The following CAPN14 variants were observed in gnomAD, a reference collection of about 807,000 sequenced individuals.
CAPN14 encodes calpain 14.
Under a neutral mutation model 101.3 loss-of-function variants are expected in CAPN14, and 94 were observed. The observed-to-expected ratio is 0.93, with a 90% CI of 0.79 to 1.10. CAPN14 has a LOEUF of 1.10. Ranked by LOEUF, CAPN14 falls within the 50% of genes least tolerant of loss-of-function variation. The pLI, the probability that CAPN14 is intolerant of heterozygous loss-of-function variation, is 0.00. For missense variants in CAPN14, 837 were observed against 828.4 expected (o/e 1.01, Z -0.13); for synonymous variants, 338 against 317.9 (o/e 1.06, Z -0.67).
chr2:31,206,096 G>A (rs1452226909), intron 1 of CAPN14, among the ~76,000 whole-genome samples: 8 of 147,908 alleles, frequency 5.4e-5, no homozygotes, highest in Non-Finnish European at 7.4e-5. Context: ...GCAGTGGCGC[G>A]ATCTCGGCTC....
chr2:31,187,734 C>T, intron 15 of CAPN14, 24 bp downstream of exon 15: 3 of 1,546,396 alleles, frequency 1.9e-6, no homozygotes, highest in East Asian at 2.4e-5. Context: ...CTTCCTCACC[C>T]CCCACCACAC....
intron 1 of CAPN14, among the ~76,000 whole-genome samples, chr2:31,208,053 T>A (rs1002802408): frequency 6.6e-6 from 1 of 152,120 alleles, no homozygotes; most frequent in African/African-American, 2.4e-5. Context: ...CTGGCTATTC[T>A]TATTTGTCAC....
chr2:31,207,181 G>A (rs1216403990), intron 1 of CAPN14, among the ~76,000 whole-genome samples: 1 of 152,120 alleles, frequency 6.6e-6, no homozygotes, highest in Non-Finnish European at 1.5e-5. Context: ...CATGGCTGTA[G>A]GAGTGACCTG....
At chr2:31,219,592 AAGCTCAGG>A (rs1177428250), upstream of CAPN14, among the ~76,000 whole-genome samples, 9 of 152,238 alleles carry the variant, frequency 5.9e-5, no homozygotes, top group African/African-American at 2.2e-4. Context: ...TGGGCTTCAC[AAGCTCAGG>A]AGCAGTAGAA....
At chr2:31,182,198 G>A (rs1680680061) in intron 16 of CAPN14, among the ~76,000 whole-genome samples, 1 of 151,340 alleles carries the variant, frequency 6.6e-6, no homozygotes, top group Non-Finnish European at 1.5e-5. Flanking sequence ...AATAATAAGA[G>A]CTATCTATGA....
At chr2:31,215,451 T>C (rs1682598904) in intron 1 of CAPN14, among the ~76,000 whole-genome samples, 1 of 152,192 alleles carries the variant, frequency 6.6e-6, no homozygotes, top group Non-Finnish European at 1.5e-5. Context: ...GGCCAGGCTC[T>C]TGGTGTGTTA....
chr2:31,198,129 A>G (rs1164981615), intron 7 of CAPN14, among the ~76,000 whole-genome samples: 1 of 152,192 alleles, frequency 6.6e-6, no homozygotes, highest in Non-Finnish European at 1.5e-5. Flanking sequence ...CTCTCATTCT[A>G]TTCAAAGCCA....
chr2:31,189,183 A>T (rs17010910), intron 13 of CAPN14, 90 bp downstream of exon 13: 213,161 of 1,142,604 alleles, frequency 0.19, 24,386 homozygotes, highest in African/African-American at 0.47. Context: ...AGCAGCAGAG[A>T]TCCTGGTTTC....
Position 31,191,965 on chromosome 2 carries a change from A to T in CAPN14, c.1248T>A (p.Pro416=), listed in dbSNP as rs920991399. 5 of 1,551,280 alleles carry T rather than the reference A, an allele frequency of 3.2e-6. No homozygotes were observed. In the African/African-American group the frequency reaches 4.1e-5, roughly 13 times the overall value. Residue 416 remains proline, a synonymous_variant, in exon 11 of 22, where the codon CCT becomes CCA. Transcript: ENST00000403897. ...ACAGGTAGAAGCCAATGGCGAGGAG[A>T]GGCTTCCGCTTGCGGCACCTGTGCC... is the stretch of plus-strand genomic sequence containing the variant. ...KPRHRCRKRK[P]LLAIGFYLYR...
At chr2:31,212,252 G>C (rs1682437237) in intron 1 of CAPN14, among the ~76,000 whole-genome samples, 1 of 150,324 alleles carries the variant, frequency 6.7e-6, no homozygotes, top group Non-Finnish European at 1.5e-5. Context: ...GGAGGTTGCA[G>C]TGAGCTGAGA....
rs1368473833 is a variant in CAPN14 at position 31,189,299 on chromosome 2, C to A, written c.1467G>T (p.Arg489Ser). 1.3e-6 allele frequency: 2 copies of A among 1,551,330 alleles called. No individual in the cohort carries two copies. Among genetic ancestry groups the A allele is most frequent in the East Asian group, 2.4e-5 (1 of 40,934 alleles). Residue 489 changes from arginine (R) to serine (S), a missense_variant, in exon 13 of 22, where the codon AGG becomes AGT. Physicochemically the swap from Arg to Ser is moderately radical, Grantham distance 110. Transcript: ENST00000403897. ...AAAAGATGTGCTTCCTGGAGAAGAC[C>A]CTGAGGACGAACTCTGACTTCTGGT... is the stretch of plus-strand genomic sequence containing the variant. ...EAHQKSEFVL[R>S]VFSRKHIFYE... is the part of the protein sequence containing the mutation.
At chr2:31,217,392 C>G (rs957445691) in intron 1 of CAPN14, 64 bp downstream of exon 1, 3 of 152,176 alleles carry the variant, frequency 2.0e-5, no homozygotes, top group Non-Finnish European at 2.9e-5. Flanking sequence ...AAACCCAGAC[C>G]CTGTAGAGTC....
chr2:31,187,429 C>T (rs1262640713), intron 15 of CAPN14, among the ~76,000 whole-genome samples: 1 of 151,842 alleles, frequency 6.6e-6, no homozygotes, highest in African/African-American at 2.4e-5. Flanking sequence ...TCTGCACCCC[C>T]CACCCCCTGT....
intron 1 of CAPN14, among the ~76,000 whole-genome samples, chr2:31,212,637 T>G (rs1046586571): frequency 6.6e-6 from 1 of 152,062 alleles, no homozygotes; most frequent in Non-Finnish European, 1.5e-5. Flanking sequence ...TTCACCAGAG[T>G]GCAAAAATAG....
chr2:31,203,513 G>A (rs561510350), intron 2 of CAPN14, among the ~76,000 whole-genome samples: 64 of 152,014 alleles, frequency 4.2e-4, no homozygotes, highest in African/African-American at 1.4e-3. Flanking sequence ...TCTTATTCCT[G>A]ACCCCTAATA....
chr2:31,204,239 G>T (rs1056172808), intron 2 of CAPN14, among the ~76,000 whole-genome samples: 3 of 152,324 alleles, frequency 2.0e-5, no homozygotes, highest in Non-Finnish European at 4.4e-5. Flanking sequence ...TCTGGAAAGT[G>T]AGAATGTGGG....
intron 16 of CAPN14, 74 bp from the exon 17 acceptor site, chr2:31,181,074 C>G: frequency 7.8e-7 from 1 of 1,275,262 alleles, no homozygotes; most frequent in Non-Finnish European, 1.1e-6. Flanking sequence ...CAGGAAGAGG[C>G]AGTGCTGCAT....
intron 7 of CAPN14, 148 bp downstream of exon 7, chr2:31,199,322 C>T (rs1681632529): frequency 2.8e-6 from 2 of 725,764 alleles, no homozygotes; most frequent in African/African-American, 3.6e-5. Context: ...CACTTCACCG[C>T]AGGAAATAGA....
At chr2:31,187,531 C>T (rs1157573728) in intron 15 of CAPN14, among the ~76,000 whole-genome samples, 3 of 152,076 alleles carry the variant, frequency 2.0e-5, no homozygotes, top group South Asian at 2.1e-4. Context: ...AATCAATGAG[C>T]GTCCAAGAAC....
Sources: gnomAD v4.1 joint callset for allele counts (sites outside exome capture counted in the v4.1 genomes callset) on GRCh38, gnomAD v4.1.1 for gene constraint, MANE v1.5 for transcripts, NCBI Gene and HGNC (gene_info 2026-07-23, HGNC 2026-07-21) for gene names.